GALNTL6: variants seen among roughly 807,000 people sequenced by gnomAD.
GALNTL6 encodes polypeptide N-acetylgalactosaminyltransferase like 6.
In GALNTL6, 46 loss-of-function variants were observed where a neutral mutation model predicts 73.7. The ratio of observed to expected loss-of-function variants is 0.62; its 90% confidence interval spans 0.49 to 0.80. GALNTL6 has a LOEUF of 0.80. GALNTL6 is among the 30% of genes least tolerant of loss of function. The pLI, the probability that GALNTL6 is intolerant of heterozygous loss-of-function variation, is 0.00. For missense variants in GALNTL6, 604 were observed against 755.0 expected (o/e 0.80, Z 2.34); for synonymous variants, 259 against 263.7 (o/e 0.98, Z 0.17).
intron 2 of GALNTL6, among the ~76,000 whole-genome samples, chr4:171,888,164 C>G (rs2110921812): frequency 6.6e-6 from 1 of 151,888 alleles, no homozygotes; most frequent in South Asian, 2.1e-4. Flanking sequence ...ATGATTATAT[C>G]TTTTGAACCT....
chr4:172,839,001 C>G (rs1233929112), intron 7 of GALNTL6, among the ~76,000 whole-genome samples: 1 of 152,134 alleles, frequency 6.6e-6, no homozygotes, highest in African/African-American at 2.4e-5. Flanking sequence ...ATTTTACAGA[C>G]TTTAAAAAGA....
intron 5 of GALNTL6, among the ~76,000 whole-genome samples, chr4:172,708,006 A>C (rs540141726): frequency 6.6e-6 from 1 of 152,280 alleles, no homozygotes; most frequent in Non-Finnish European, 1.5e-5. Context: ...GGTCAAGGAT[A>C]GATCCTTGTC....
chr4:172,144,914 A>G (rs959414121), intron 2 of GALNTL6, among the ~76,000 whole-genome samples: 4 of 152,112 alleles, frequency 2.6e-5, no homozygotes. Flanking sequence ...ATGAAACTCT[A>G]GTATTCTATA....
At chr4:172,840,055 C>T (rs1341390515) in intron 7 of GALNTL6, among the ~76,000 whole-genome samples, 1 of 152,078 alleles carries the variant, frequency 6.6e-6, no homozygotes, top group Admixed American at 6.5e-5. Flanking sequence ...ATTTTTAGCA[C>T]TAAAAATAAA....
chr4:172,375,553 A>G (rs1434231392), intron 5 of GALNTL6, among the ~76,000 whole-genome samples: 2 of 152,180 alleles, frequency 1.3e-5, no homozygotes, highest in Non-Finnish European at 2.9e-5. Context: ...TGCTGATAGA[A>G]TAGTTGCACT....
chr4:172,277,608 C>T (rs559150170), intron 3 of GALNTL6, among the ~76,000 whole-genome samples: 33 of 152,196 alleles, frequency 2.2e-4, no homozygotes, highest in African/African-American at 4.1e-4. Context: ...AATAACATTA[C>T]GAACAATTAA....
intron 5 of GALNTL6, among the ~76,000 whole-genome samples, chr4:172,603,431 A>G (rs1738141498): frequency 6.6e-6 from 1 of 152,198 alleles, no homozygotes; most frequent in South Asian, 2.1e-4. Context: ...GGCCAAGTGC[A>G]TTTGCCCAAA....
At chr4:172,327,815 A>C (rs1310302402) in intron 4 of GALNTL6, among the ~76,000 whole-genome samples, 2 of 152,160 alleles carry the variant, frequency 1.3e-5, no homozygotes, top group Non-Finnish European at 2.9e-5. Flanking sequence ...TTTTGAAGAC[A>C]GCATATCATC....
intron 5 of GALNTL6, among the ~76,000 whole-genome samples, chr4:172,513,369 G>A (rs1283884478): frequency 6.6e-6 from 1 of 151,860 alleles, no homozygotes; most frequent in Non-Finnish European, 1.5e-5. Context: ...CCTTTCTCTG[G>A]TTCCTCTCTG....
intron 2 of GALNTL6, among the ~76,000 whole-genome samples, chr4:171,855,489 A>G (rs1560815307): frequency 1.3e-5 from 2 of 152,146 alleles, no homozygotes; most frequent in Non-Finnish European, 2.9e-5. Flanking sequence ...ATTCCATTGT[A>G]TGGATGTAGT....
At chr4:172,812,056 G>A (rs1741337122) in intron 6 of GALNTL6, among the ~76,000 whole-genome samples, 1 of 140,084 alleles carries the variant, frequency 7.1e-6, no homozygotes, top group African/African-American at 2.5e-5. Context: ...ATGGATGGAT[G>A]GATGAACAGA....
At chr4:172,490,684 C>T (rs1733864918) in intron 5 of GALNTL6, among the ~76,000 whole-genome samples, 1 of 152,078 alleles carries the variant, frequency 6.6e-6, no homozygotes, top group Admixed American at 6.6e-5. Flanking sequence ...ATTTTAACAA[C>T]AACACTCTGT....
intron 2 of GALNTL6, among the ~76,000 whole-genome samples, chr4:172,104,998 T>C (rs1303144023): frequency 6.6e-6 from 1 of 151,904 alleles, no homozygotes; most frequent in East Asian, 1.9e-4. Context: ...CTTGAAAAAG[T>C]CAACAATTAC....
intron 5 of GALNTL6, among the ~76,000 whole-genome samples, chr4:172,686,220 C>T (rs930478125): frequency 1.3e-5 from 2 of 152,122 alleles, no homozygotes; most frequent in Non-Finnish European, 2.9e-5. Flanking sequence ...CCTGCCTTCT[C>T]CCCTGTAAAG....
intron 5 of GALNTL6, among the ~76,000 whole-genome samples, chr4:172,456,171 A>G (rs1732391454): frequency 1.3e-5 from 2 of 152,160 alleles, no homozygotes; most frequent in South Asian, 4.1e-4. Flanking sequence ...CAAAAAGGAC[A>G]TTCACACAAA....
rs564208902 is a variant in GALNTL6, at chr4:172,849,963, G to C, written c.924-32827G>C. On this transcript the variant is annotated intron_variant, in intron 7 of 12. Coordinates refer to ENST00000506823, the MANE Select transcript of GALNTL6 (RefSeq NM_001034845.3). ...ATGTCACTTAATTTCTTGCTGGAAA[G>C]GTGCGACCTCCTAAAGTCTTTCCTC... Among the ~76,000 whole-genome samples the C allele has an allele frequency of 1.5e-4, 23 of 152,270 alleles. No individual in the cohort carries two copies. The South Asian group carries it at 2.1e-3, about 14-fold the overall frequency.
intron 7 of GALNTL6, among the ~76,000 whole-genome samples, chr4:172,878,188 T>C (rs1306781211): frequency 2.0e-5 from 3 of 151,976 alleles, no homozygotes; most frequent in Non-Finnish European, 4.4e-5. Context: ...CTTGTTAACT[T>C]CAGTACAACA....
At chr4:172,907,683 C>T (rs1746976403) in intron 8 of GALNTL6, among the ~76,000 whole-genome samples, 1 of 152,254 alleles carries the variant, frequency 6.6e-6, no homozygotes, top group Non-Finnish European at 1.5e-5. Flanking sequence ...TCCGGTCCTC[C>T]GTCCACAAAT....
intron 2 of GALNTL6, among the ~76,000 whole-genome samples, chr4:172,020,057 T>C (rs1741347431): frequency 6.6e-6 from 1 of 152,088 alleles, no homozygotes; most frequent in Admixed American, 6.6e-5. Context: ...AATATGCTCT[T>C]GAACAACCAG....
Sources: gnomAD v4.1 joint callset for allele counts (sites outside exome capture counted in the v4.1 genomes callset) on GRCh38, gnomAD v4.1.1 for gene constraint, MANE v1.5 for transcripts, NCBI Gene and HGNC (gene_info 2026-07-23, HGNC 2026-07-21) for gene names.